Variants in KL observed in about 807,000 individuals in gnomAD.
KL encodes alpha-klotho.
In KL, 62 loss-of-function variants were observed where a neutral mutation model predicts 84.2. The observed-to-expected ratio is 0.74, with a 90% CI of 0.60 to 0.91. The LOEUF (loss-of-function observed/expected upper bound fraction) is 0.91. Ranked by LOEUF, KL falls within the 40% of genes least tolerant of loss-of-function variation. The pLI, the probability that KL is intolerant of heterozygous loss-of-function variation, is 0.00. For missense variants in KL, 1,261 were observed against 1,305.7 expected (o/e 0.97, Z 0.53); for synonymous variants, 528 against 528.0 (o/e 1.00, Z 0.00).
rs141663123 is a variant in KL, at chr13:33,027,674, C to T, written c.819+10415C>T. The stretch of plus-strand genomic sequence containing the variant: ...GCCTAAATCATTGCACCTACAATGA[C>T]ATTCTCCACCAGGATATTTCCCAGG... On this transcript the variant is annotated intron_variant, in intron 1 of 4. Coordinates refer to ENST00000380099, the MANE Select transcript of KL (RefSeq NM_004795.4). Among the ~76,000 whole-genome samples the T allele has an allele frequency of 3.0e-3, 453 of 152,290 alleles. 3 individuals carry two copies. Among genetic ancestry groups the T allele is most frequent in the African/African-American group, 0.01 (435 of 41,558 alleles).
Position 33,064,259 on chromosome 13 carries a change from C to T in KL, c.*73C>T. On this transcript the variant is annotated 3_prime_UTR_variant, in exon 5 of 5. Coordinates refer to ENST00000380099, the MANE Select transcript of KL (RefSeq NM_004795.4). ...CATCAGCTGTTAACCATTTGCACCT[C>T]TAAGTGTTGTGAAACTGTAAATTTC... The T allele has an allele frequency of 8.8e-7, 1 of 1,139,222 alleles. No homozygotes were observed. Among genetic ancestry groups the T allele is most frequent in the African/African-American group, 1.6e-5 (1 of 64,504 alleles). 70.6% of individuals were successfully genotyped at this position (1,139,222 alleles called of 1,614,324 possible). A position where few individuals can be genotyped will look rare whatever the true frequency, so the allele number is the denominator to read the frequency against.
rs187299629 is a variant in KL, at chr13:33,042,023, A to G, written c.820-11744A>G. Among the ~76,000 whole-genome samples, 631 of 152,300 alleles carry G rather than the reference A, an allele frequency of 4.1e-3. 2 individuals are homozygous for G. The highest frequency in any genetic ancestry group is 8.8e-3 in the Admixed American group (135 of 15,300). On this transcript the variant is annotated intron_variant, in intron 1 of 4. Transcript: ENST00000380099. Reference sequence around the variant, plus strand: ...CCCCTAGAAAAGTGCCTAGTGTAATATTTGTTGAATGAATATGATCCCTGC... The same window carrying G: ...CCCCTAGAAAAGTGCCTAGTGTAATGTTTGTTGAATGAATATGATCCCTGC...
At position 33,054,167 on chromosome 13, in the gene KL, A is replaced by G; in HGVS notation, c.1220A>G (p.His407Arg). 1.2e-6 allele frequency: 2 copies of G among 1,613,972 alleles called. No homozygotes were observed. Among genetic ancestry groups the G allele is most frequent in the Middle Eastern group, 1.6e-4 (1 of 6,062 alleles). Reference sequence around the variant, plus strand: ...TCCTGGATTGACCTTGAATTTAACCATCCTCAAATATTTATTGTGGAAAAT... The same window carrying G: ...TCCTGGATTGACCTTGAATTTAACCGTCCTCAAATATTTATTGTGGAAAAT... ...LLSWIDLEFN[H>R]PQIFIVENGW... The change falls in exon 2 of 5, where the codon CAT (histidine) becomes CGT (arginine). Residue 407 changes from histidine to arginine, a missense_variant. Coordinates refer to ENST00000380099, the MANE Select transcript of KL (RefSeq NM_004795.4).
intron 1 of KL, among the ~76,000 whole-genome samples, chr13:33,038,691 A>C (rs1158928587): frequency 6.6e-6 from 1 of 152,224 alleles, no homozygotes; most frequent in Non-Finnish European, 1.5e-5. Context: ...CAGAAATCAG[A>C]ATGACTGAAA....
At chr13:33,027,524 C>T (rs1870822951) in intron 1 of KL, among the ~76,000 whole-genome samples, 1 of 152,222 alleles carries the variant, frequency 6.6e-6, no homozygotes, top group Non-Finnish European at 1.5e-5. Context: ...GGAGAGAAGG[C>T]TGTGGCTCTT....
Position 33,054,011 on chromosome 13 carries a change from C to A in KL, c.1064C>A (p.Ser355Tyr). 1 of 1,613,230 alleles carries A rather than the reference C, an allele frequency of 6.2e-7. No homozygotes were observed. The highest frequency in any genetic ancestry group is 8.5e-7 in the Non-Finnish European group (1 of 1,179,320). ...TCTATTCTGCCTGATTTTACTGAAT[C>A]TGAGAAAAAGTTCATCAAAGGAACT... ...LSSILPDFTE[S>Y]EKKFIKGTAD... Residue 355 changes from serine (S) to tyrosine (Y), a missense_variant, in exon 2 of 5, where the codon TCT (serine) becomes TAT (tyrosine). By Grantham distance (144) the Ser-to-Tyr change is moderately radical. Coordinates refer to ENST00000380099, the MANE Select transcript of KL (RefSeq NM_004795.4).
chr13:33,031,397 T>C (rs1485585470), intron 1 of KL, among the ~76,000 whole-genome samples: 1 of 152,014 alleles, frequency 6.6e-6, no homozygotes, highest in Non-Finnish European at 1.5e-5. Flanking sequence ...ACAGAATAGA[T>C]ACGATCATAG....
At chr13:33,035,197 A>ACACT (rs1166102171) in intron 1 of KL, among the ~76,000 whole-genome samples, 1 of 152,224 alleles carries the variant, frequency 6.6e-6, no homozygotes, top group African/African-American at 2.4e-5. Context: ...AAATCCTCAC[A>ACACT]CACTCACATG....
chr13:33,038,903 T>C (rs1212652711), intron 1 of KL, among the ~76,000 whole-genome samples: 1 of 152,198 alleles, frequency 6.6e-6, no homozygotes, highest in Non-Finnish European at 1.5e-5. Flanking sequence ...AAATTCCAGT[T>C]TTAAAAAATT....
In KL at chr13:33,061,265, C is replaced by T. The variant is rs1872184323; in HGVS notation, c.2186C>T (p.Ala729Val). ...RHAQNGKISI[A>V]LQADWIEPAC... ...GCTCAGAATGGGAAAATATCCATAG[C>T]CTTGCAGGCTGATTGGATAGAACCT... The change falls in exon 4 of 5, where the codon GCC (alanine) becomes GTC (valine). Residue 729 changes from alanine (A) to valine (V), a missense_variant. By Grantham distance (64) the Ala-to-Val change is moderately conservative. Coordinates refer to ENST00000380099, the MANE Select transcript of KL (RefSeq NM_004795.4). 1 of 1,614,108 alleles carries T rather than the reference C, an allele frequency of 6.2e-7. No homozygotes were observed. The highest frequency in any genetic ancestry group is 1.3e-5 in the African/African-American group (1 of 74,936).
chr13:33,061,786 G>A lies in KL; in HGVS notation c.2701+6G>A, dbSNP rs1872218413. 6.2e-7 allele frequency: 1 copy of A among 1,612,498 alleles called. No individual in the cohort carries two copies. Among genetic ancestry groups the A allele is most frequent in the Non-Finnish European group, 8.5e-7 (1 of 1,179,988 alleles). On this transcript the variant is annotated splice_donor_region_variant and intron_variant, in intron 4 of 4. Coordinates refer to ENST00000380099, the MANE Select transcript of KL (RefSeq NM_004795.4). Reference sequence around the variant, plus strand: ...CATAAACGAAGCTCTCAAAGGTAAGGAGCCCTAGCTGCGGCTATCTCCTGA... The same window carrying A: ...CATAAACGAAGCTCTCAAAGGTAAGAAGCCCTAGCTGCGGCTATCTCCTGA...
intron 3 of KL, among the ~76,000 whole-genome samples, chr13:33,057,874 C>G (rs143406880): frequency 1.3e-5 from 2 of 152,348 alleles, no homozygotes; most frequent in East Asian, 3.9e-4. Flanking sequence ...TACTCTACAG[C>G]TTTAAGACAT....
rs1456463751 is a variant in KL, at chr13:33,054,091, C to A, written c.1144C>A (p.Pro382Thr). The A allele has an allele frequency of 2.5e-6, 4 of 1,613,480 alleles. No individual in the cohort carries two copies. The African/African-American group carries it at 5.3e-5, about 22-fold the overall frequency. ...GPTLSFQLLD[P>T]HMKFRQLESP... The stretch of plus-strand genomic sequence containing the variant: ...CACCTTGAGTTTTCAACTTTTGGAC[C>A]CTCACATGAAGTTCCGCCAATTGGA... The change falls in exon 2 of 5, where the codon CCT becomes ACT. Residue 382 changes from proline (P) to threonine (T), a missense_variant. Physicochemically the swap from Pro to Thr is conservative, Grantham distance 38 (BLOSUM62 -1). Coordinates refer to ENST00000380099, the MANE Select transcript of KL (RefSeq NM_004795.4).
chr13:33,055,621 T>G (rs1452377310), intron 3 of KL, among the ~76,000 whole-genome samples: 1 of 152,230 alleles, frequency 6.6e-6, no homozygotes, highest in Non-Finnish European at 1.5e-5. Context: ...TGATCCTTTT[T>G]AAGGCAGTTG....
At chr13:33,045,151 G>T (rs1003951051) in intron 1 of KL, among the ~76,000 whole-genome samples, 1 of 152,056 alleles carries the variant, frequency 6.6e-6, no homozygotes, top group Non-Finnish European at 1.5e-5. Context: ...TTTTTGGACT[G>T]TTCATTGCTA....
intron 1 of KL, among the ~76,000 whole-genome samples, chr13:33,025,611 GA>G (rs948926515): frequency 6.6e-6 from 1 of 152,150 alleles, no homozygotes; most frequent in Admixed American, 6.5e-5. Flanking sequence ...AGCTGAAGAA[GA>G]AAGCCTGGGA....
intron 1 of KL, among the ~76,000 whole-genome samples, chr13:33,024,728 C>T (rs1870701319): frequency 1.3e-5 from 2 of 152,216 alleles, no homozygotes; most frequent in African/African-American, 4.8e-5. Context: ...CTTTCCTCTG[C>T]CTTTTCCTCT....
chr13:33,031,388 C>T (rs1434686093), intron 1 of KL, among the ~76,000 whole-genome samples: 5 of 152,192 alleles, frequency 3.3e-5, no homozygotes, highest in African/African-American at 1.2e-4. Flanking sequence ...GTAGACTCAA[C>T]AGAATAGATA....
At chr13:33,050,080 G>T (rs1425335008) in intron 1 of KL, among the ~76,000 whole-genome samples, 3 of 151,984 alleles carry the variant, frequency 2.0e-5, no homozygotes, top group African/African-American at 7.3e-5. Flanking sequence ...TATTTCTTTA[G>T]TTATACTATC....
Sources: gnomAD v4.1 joint callset for allele counts (sites outside exome capture counted in the v4.1 genomes callset) on GRCh38, gnomAD v4.1.1 for gene constraint, MANE v1.5 for transcripts, NCBI Gene and HGNC (gene_info 2026-07-23, HGNC 2026-07-21) for gene names.